The following DZIP1 variants were observed in gnomAD, a reference collection of about 807,000 sequenced individuals.
DZIP1 encodes DAZ interacting zinc finger protein 1.
Under a neutral mutation model 107.6 loss-of-function variants are expected in DZIP1, and 97 were observed. That is an observed-to-expected ratio of 0.90 (90% CI 0.77 to 1.07). The LOEUF is 1.07. Ranked by LOEUF, DZIP1 falls within the 50% of genes least tolerant of loss-of-function variation. The pLI, the probability that DZIP1 is intolerant of heterozygous loss-of-function variation, is 0.00. For synonymous variants in DZIP1, 390 were observed against 386.4 expected, an observed-to-expected ratio of 1.01 and a Z score of -0.11; for missense variants, 1,035 against 1,063.6, an observed-to-expected ratio of 0.97 and a Z score of 0.37.
chr13:95,582,075 T>C lies in DZIP1; in HGVS notation c.*159A>G, dbSNP rs1212614280. ...TGATGATCTGATTTTCAATACTGTA[T>C]TGGGTGCCATTAAAGAGACCATTGT... On this transcript the variant is annotated 3_prime_UTR_variant, in exon 23 of 23. Transcript: ENST00000376829. The C allele has an allele frequency of 1.1e-5, 7 of 648,778 alleles. No homozygotes were observed. Among genetic ancestry groups the C allele is most frequent in the Non-Finnish European group, 1.6e-5 (6 of 364,324 alleles). 40.2% of individuals were successfully genotyped at this position (648,778 alleles called of 1,614,324 possible).
intron 6 of DZIP1, chr13:95,630,891 AAGAG>A (rs1222287262): frequency 1.6e-5 from 7 of 432,674 alleles, no homozygotes; most frequent in Non-Finnish European, 2.5e-5. Flanking sequence ...ACTGAAACAG[AAGAG>A]AAAGAAGGTC....
Position 95,589,902 on chromosome 13 carries a change from A to T in DZIP1, c.1874T>A (p.Leu625His). ...DQCSVSQMDT[L>H]STGEVPKMIQ... The stretch of plus-strand genomic sequence containing the variant: ...CATTTTGGGTACTTCTCCAGTTGAA[A>T]GGGTATCCATTTGAGAAACACTGCA... Residue 625 changes from leucine to histidine, a missense_variant, in exon 18 of 23, where the codon CTT becomes CAT. By Grantham distance (99) the Leu-to-His change is moderately conservative. Coordinates refer to ENST00000376829, the MANE Select transcript of DZIP1 (RefSeq NM_198968.4). 3 of 1,614,188 alleles carry T rather than the reference A, an allele frequency of 1.9e-6. No individual in the cohort carries two copies. The highest frequency in any genetic ancestry group is 2.5e-6 in the Non-Finnish European group (3 of 1,180,020).
At chr13:95,605,694 C>T (rs1240921128) in intron 14 of DZIP1, among the ~76,000 whole-genome samples, 1 of 152,216 alleles carries the variant, frequency 6.6e-6, no homozygotes, top group Non-Finnish European at 1.5e-5. Flanking sequence ...CTCATTCTTA[C>T]CCAACACCTA....
At chr13:95,598,448 A>T (rs2044520680) in intron 15 of DZIP1, among the ~76,000 whole-genome samples, 1 of 152,156 alleles carries the variant, frequency 6.6e-6, no homozygotes. Context: ...AATATGCCTG[A>T]TGTAGTCAAT....
chr13:95,582,079 G>T lies in DZIP1; in HGVS notation c.*155C>A. 1 of 656,630 alleles carries T rather than the reference G, an allele frequency of 1.5e-6. No individual in the cohort carries two copies. Among genetic ancestry groups the T allele is most frequent in the Non-Finnish European group, 2.7e-6 (1 of 370,304 alleles). 40.7% of individuals were successfully genotyped at this position (656,630 alleles called of 1,614,324 possible). Reference sequence around the variant, plus strand: ...GATCTGATTTTCAATACTGTATTGGGTGCCATTAAAGAGACCATTGTTCTT... The same window carrying T: ...GATCTGATTTTCAATACTGTATTGGTTGCCATTAAAGAGACCATTGTTCTT... On this transcript the variant is annotated 3_prime_UTR_variant, in exon 23 of 23. Transcript: ENST00000376829.
At chr13:95,605,490 C>A (rs1314414690) in intron 14 of DZIP1, among the ~76,000 whole-genome samples, 1 of 152,152 alleles carries the variant, frequency 6.6e-6, no homozygotes, top group East Asian at 1.9e-4. Flanking sequence ...AGAACTGAAC[C>A]CTGGTAATGA....
At chr13:95,582,334 C>T (rs754457564) in intron 22 of DZIP1, 21 bp from the exon 23 acceptor site, 2 of 1,606,448 alleles carry the variant, frequency 1.2e-6, no homozygotes, top group Admixed American at 1.7e-5. Context: ...TGGGTAGAGG[C>T]AGAAGAGAAG....
chr13:95,618,439 AATG>A (rs1188487778), intron 10 of DZIP1, among the ~76,000 whole-genome samples: 1 of 152,202 alleles, frequency 6.6e-6, no homozygotes, highest in Non-Finnish European at 1.5e-5. Flanking sequence ...TGCATGATGA[AATG>A]ATATTTTAAA....
Position 95,581,221 on chromosome 13 carries a change from C to A in DZIP1, c.*1013G>T, listed in dbSNP as rs1329772184. The A allele has an allele frequency of 1.3e-5, 2 of 152,494 alleles. No individual in the cohort carries two copies. Among genetic ancestry groups the A allele is most frequent in the Non-Finnish European group, 2.9e-5 (2 of 68,006 alleles). 9.4% of individuals were successfully genotyped at this position (152,494 alleles called of 1,614,324 possible). A position where few individuals can be genotyped will look rare whatever the true frequency, so the allele number is the denominator to read the frequency against. On this transcript the variant is annotated 3_prime_UTR_variant, in exon 23 of 23. Coordinates refer to ENST00000376829, the MANE Select transcript of DZIP1 (RefSeq NM_198968.4). Reference sequence around the variant, plus strand: ...TACTTGGAAACAGAATATAGTATAACCAAGTTATAAAAATGCAAAAAACAG... The same window carrying A: ...TACTTGGAAACAGAATATAGTATAAACAAGTTATAAAAATGCAAAAAACAG...
chr13:95,586,698 CCAA>C (rs1432988087), intron 20 of DZIP1, among the ~76,000 whole-genome samples: 1 of 150,410 alleles, frequency 6.6e-6, no homozygotes, highest in South Asian at 2.1e-4. Flanking sequence ...TAAATTACAT[CCAA>C]CAATATATTA....
At chr13:95,614,693 C>A (rs1332354874) in intron 10 of DZIP1, among the ~76,000 whole-genome samples, 3 of 152,130 alleles carry the variant, frequency 2.0e-5, no homozygotes, top group Non-Finnish European at 1.5e-5. Context: ...TTTTTCCCTA[C>A]TGGCCCACAT....
chr13:95,618,195 T>C (rs964709361), intron 10 of DZIP1, among the ~76,000 whole-genome samples: 2 of 152,196 alleles, frequency 1.3e-5, no homozygotes, highest in African/African-American at 4.8e-5. Flanking sequence ...CTGATTCCCA[T>C]AGCTGTAGCC....
At chr13:95,629,900 T>A in intron 7 of DZIP1, 89 bp downstream of exon 7, 1 of 1,376,504 alleles carries the variant, frequency 7.3e-7, no homozygotes, top group Non-Finnish European at 9.7e-7. Context: ...CACAAACTCT[T>A]AAGTGTCCTC....
chr13:95,616,978 C>T (rs1454548791), intron 10 of DZIP1, among the ~76,000 whole-genome samples: 1 of 152,016 alleles, frequency 6.6e-6, no homozygotes, highest in East Asian at 1.9e-4. Flanking sequence ...GAGGCCGAGG[C>T]GGGTAGATCA....
In DZIP1 at chr13:95,589,199, T is replaced by G. The variant is rs759121791; in HGVS notation, c.1982A>C (p.Lys661Thr). 3 of 1,601,654 alleles carry G rather than the reference T, an allele frequency of 1.9e-6. No homozygotes were observed. Among genetic ancestry groups the G allele is most frequent in the South Asian group, 2.3e-5 (2 of 88,400 alleles). Residue 661 changes from lysine to threonine, a missense_variant, in exon 19 of 23, where the codon AAA (lysine) becomes ACA (threonine). Lys to Thr is a moderately conservative substitution (Grantham distance 78). Coordinates refer to ENST00000376829, the MANE Select transcript of DZIP1 (RefSeq NM_198968.4). ...TDRTSVPKIKKNVMEDPFPRK... is the reference protein window; with the variant it reads ...TDRTSVPKIKTNVMEDPFPRK... ...GGGAAAAGGATCTTCCATGACATTT[T>G]TCTTAATTCTAAAAAAACAACAGAA...
intron 19 of DZIP1, 26 bp downstream of exon 19, chr13:95,589,128 A>G: frequency 1.9e-6 from 3 of 1,584,030 alleles, no homozygotes; most frequent in Non-Finnish European, 2.6e-6. Context: ...TTTTTAAATG[A>G]CCCTCCCATC....
At chr13:95,601,844 C>T (rs1462132437) in intron 14 of DZIP1, among the ~76,000 whole-genome samples, 1 of 152,170 alleles carries the variant, frequency 6.6e-6, no homozygotes, top group Non-Finnish European at 1.5e-5. Flanking sequence ...GGTCCTGGCC[C>T]TGGTCCCCAG....
At chr13:95,621,712 GTGTATT>G (rs1390926759) in intron 9 of DZIP1, among the ~76,000 whole-genome samples, 4 of 129,578 alleles carry the variant, frequency 3.1e-5, no homozygotes, top group Non-Finnish European at 6.3e-5. Context: ...GTGTGTGTGT[GTGTATT>G]TATTTATTTA....
intron 8 of DZIP1, among the ~76,000 whole-genome samples, chr13:95,624,202 C>A (rs530736957): frequency 3.2e-4 from 48 of 152,330 alleles, no homozygotes; most frequent in African/African-American, 1.0e-3. Flanking sequence ...TCAAGTCTAA[C>A]CAGGGAGCTT....
Sources: allele counts gnomAD v4.1 joint callset (sites outside exome capture counted in the v4.1 genomes callset), GRCh38; gene constraint gnomAD v4.1.1; transcripts MANE v1.5; gene names NCBI Gene and HGNC (gene_info 2026-07-23, HGNC 2026-07-21).